DDX43: variants seen among roughly 807,000 people sequenced by gnomAD.
DDX43 encodes probable ATP-dependent RNA helicase DDX43.
A neutral mutation model predicts 84.9 loss-of-function variants in DDX43; 50 were observed. The observed-to-expected ratio is 0.59, with a 90% CI of 0.47 to 0.75. The LOEUF is 0.75. Among genes scored for constraint, DDX43 ranks in the 30% least tolerant of loss-of-function variants. DDX43 has a pLI of 0.00. For synonymous variants in DDX43, 291 were observed against 266.3 expected, an observed-to-expected ratio of 1.09 and a Z score of -0.90; for missense variants, 689 against 798.6, an observed-to-expected ratio of 0.86 and a Z score of 1.65.
Position 73,394,992 on chromosome 6 carries a change from G to A in DDX43, c.87G>A (p.Arg29=), listed in dbSNP as rs780562383. 1.2e-6 allele frequency: 2 copies of A among 1,614,284 alleles called. No homozygotes were observed. Among genetic ancestry groups the A allele is most frequent in the South Asian group, 1.1e-5 (1 of 91,090 alleles). Residue 29 remains arginine, a synonymous_variant, in exon 1 of 17, where the codon AGG becomes AGA. Coordinates refer to ENST00000370336, the MANE Select transcript of DDX43 (RefSeq NM_018665.3). ...CGACAGTGTCCCGAGCGCCAGAGAG[G>A]AGGCCGGCGGAGGAGTTGAATCGAA... ...RSSTVSRAPE[R]RPAEELNRTG...
intron 10 of DDX43, among the ~76,000 whole-genome samples, chr6:73,411,694 A>C (rs1420483172): frequency 6.6e-6 from 1 of 151,982 alleles, no homozygotes; most frequent in Non-Finnish European, 1.5e-5. Flanking sequence ...ATAAAAACCT[A>C]GTATTTATTT....
chr6:73,406,629 T>C (rs1162493173), intron 7 of DDX43, 147 bp downstream of exon 7: 2 of 571,232 alleles, frequency 3.5e-6, no homozygotes, highest in Non-Finnish European at 6.2e-6. Context: ...ACTTAGATTG[T>C]GCTGGTGAAA....
chr6:73,415,304 T>A (rs1000794375), intron 14 of DDX43, among the ~76,000 whole-genome samples, 193 bp from the exon 15 acceptor site: 5 of 151,222 alleles, frequency 3.3e-5, no homozygotes, highest in South Asian at 2.2e-4. Flanking sequence ...TCTCAAAAAA[T>A]AAATAAATAA....
In DDX43 at chr6:73,394,862, A is replaced by G. The variant is rs1402577998; in HGVS notation, c.-44A>G. The stretch of plus-strand genomic sequence containing the variant: ...TTACGACGTCACGGTCAGGTGGTGC[A>G]GAGCTGGACGGCAACGACGTCGGAC... On this transcript the variant is annotated 5_prime_UTR_variant, in exon 1 of 17. Coordinates refer to ENST00000370336, the MANE Select transcript of DDX43 (RefSeq NM_018665.3). 5.0e-6 allele frequency: 8 copies of G among 1,603,014 alleles called. No individual in the cohort carries two copies. The highest frequency in any genetic ancestry group is 2.2e-5 in the East Asian group (1 of 44,814).
At chr6:73,411,626 G>A (rs1305667760) in intron 10 of DDX43, among the ~76,000 whole-genome samples, 6 of 151,386 alleles carry the variant, frequency 4.0e-5, no homozygotes, top group South Asian at 4.2e-4. Context: ...CACCACACAC[G>A]GCCTTAGCTT....
chr6:73,407,468 A>C, intron 7 of DDX43, 37 bp from the exon 8 acceptor site: 2 of 1,381,212 alleles, frequency 1.4e-6, no homozygotes, highest in Non-Finnish European at 2.1e-6. Context: ...TGCATCTGAG[A>C]CAAGTAATTT....
intron 13 of DDX43, 77 bp from the exon 14 acceptor site, chr6:73,414,471 T>C (rs1769864615): frequency 1.2e-5 from 14 of 1,188,068 alleles, no homozygotes; most frequent in Middle Eastern, 2.6e-4. Flanking sequence ...TTAAATTAGT[T>C]AGGGCAAATA....
intron 9 of DDX43, among the ~76,000 whole-genome samples, chr6:73,408,596 G>T: frequency 6.7e-6 from 1 of 150,194 alleles, no homozygotes; most frequent in South Asian, 2.2e-4. Flanking sequence ...TGCTCTTGTT[G>T]CCCAGGCTGG....
intron 3 of DDX43, among the ~76,000 whole-genome samples, chr6:73,401,343 G>A (rs923235051): frequency 6.6e-6 from 1 of 152,100 alleles, no homozygotes; most frequent in Non-Finnish European, 1.5e-5. Flanking sequence ...TGAGTAATGG[G>A]TATGACAATA....
At chr6:73,395,716 C>G (rs536591763) in intron 1 of DDX43, among the ~76,000 whole-genome samples, 1 of 151,686 alleles carries the variant, frequency 6.6e-6, no homozygotes, top group African/African-American at 2.4e-5. Flanking sequence ...AATCTTAGGG[C>G]TGAAGAGGGA....
chr6:73,403,790 C>T (rs1196630783), intron 4 of DDX43, among the ~76,000 whole-genome samples: 4 of 151,530 alleles, frequency 2.6e-5, no homozygotes, highest in East Asian at 3.9e-4. Context: ...GTTGGGACTA[C>T]AGGCACATAC....
In DDX43 at chr6:73,414,598, G is replaced by A. The variant is rs1188615065; in HGVS notation, c.1657G>A (p.Val553Ile). Residue 553 changes from valine (V) to isoleucine (I), a missense_variant, in exon 14 of 17, where the codon GTC becomes ATC. By Grantham distance (29) the Val-to-Ile change is conservative. Around this residue, in one of 2 missense-constraint regions of DDX43, gnomAD observed 552 missense variants for 692.7 expected, o/e 0.80. Coordinates refer to ENST00000370336, the MANE Select transcript of DDX43 (RefSeq NM_018665.3). ...TGATCTAGCCTCTAGAGGACTTGAT[G>A]TCCATGACGTTACACATGTCTATAA... Reference protein sequence around the residue: ...ATDLASRGLDVHDVTHVYNFD... With the variant: ...ATDLASRGLDIHDVTHVYNFD... 4 of 1,613,314 alleles carry A rather than the reference G, an allele frequency of 2.5e-6. No homozygotes were observed. The highest frequency in any genetic ancestry group is 1.3e-5 in the African/African-American group (1 of 74,892).
At position 73,406,545 on chromosome 6, in the gene DDX43, T is replaced by C. The variant is rs145459737; in HGVS notation, c.926+63T>C. 423 of 1,067,764 alleles carry C rather than the reference T, an allele frequency of 4.0e-4. 2 individuals are homozygous for C. The African/African-American group carries it at 5.9e-3, about 15-fold the overall frequency. The allele number at this position is 1,067,764 out of a possible 1,614,324, so 66.1% of individuals were successfully genotyped here. Reference sequence around the variant, plus strand: ...TTAATAGATTTAGATATCAAAAATGTAATTAAAGTTTCTTTACCTATTGCT... The same window carrying C: ...TTAATAGATTTAGATATCAAAAATGCAATTAAAGTTTCTTTACCTATTGCT... On this transcript the variant is annotated intron_variant, in intron 7 of 16. Coordinates refer to ENST00000370336, the MANE Select transcript of DDX43 (RefSeq NM_018665.3).
chr6:73,399,542 G>C (rs1457934764), intron 2 of DDX43, among the ~76,000 whole-genome samples: 1 of 152,116 alleles, frequency 6.6e-6, no homozygotes, highest in East Asian at 1.9e-4. Context: ...CCTCGTTTCA[G>C]CACTCATACA....
At chr6:73,404,906 A>C (rs1650011440) in intron 5 of DDX43, 135 bp downstream of exon 5, 1 of 733,726 alleles carries the variant, frequency 1.4e-6, no homozygotes, top group East Asian at 2.7e-5. Context: ...AACTTACATG[A>C]TATTTTAGAA....
At chr6:73,412,728 C>T (rs1200230755) in intron 11 of DDX43, among the ~76,000 whole-genome samples, 6 of 118,842 alleles carry the variant, frequency 5.0e-5, no homozygotes, top group African/African-American at 1.9e-4. Flanking sequence ...TGATATATAG[C>T]GTGTGTGTGT....
At chr6:73,401,638 T>C (rs1245948326) in intron 3 of DDX43, among the ~76,000 whole-genome samples, 2 of 152,084 alleles carry the variant, frequency 1.3e-5, no homozygotes, top group Non-Finnish European at 1.5e-5. Flanking sequence ...CCGTCTCTAC[T>C]ATAAAATACA....
chr6:73,395,274 C>T (rs1363183502), intron 1 of DDX43, 119 bp downstream of exon 1: 1 of 1,264,702 alleles, frequency 7.9e-7, no homozygotes, highest in African/African-American at 1.5e-5. Context: ...AGGTTCAGGT[C>T]TCTCCCAGAG....
At chr6:73,398,760 T>C (rs1314231692) in intron 2 of DDX43, among the ~76,000 whole-genome samples, 1 of 152,214 alleles carries the variant, frequency 6.6e-6, no homozygotes, top group Non-Finnish European at 1.5e-5. Context: ...CAACATTCAC[T>C]GAGTTTACAA....
Sources: allele counts gnomAD v4.1 joint callset (sites outside exome capture counted in the v4.1 genomes callset), GRCh38; gene constraint gnomAD v4.1.1; regional missense constraint gnomAD v4.1.1; transcripts MANE v1.5; gene names NCBI Gene and HGNC (gene_info 2026-07-23, HGNC 2026-07-21).